SERINC3: variants seen among roughly 807,000 people sequenced by gnomAD.
SERINC3 encodes the protein tumor differentially expressed protein 1.
In SERINC3, 22 loss-of-function variants were observed where a neutral mutation model predicts 52.1. The ratio of observed to expected loss-of-function variants is 0.42; its 90% CI spans 0.30 to 0.60. SERINC3 has a LOEUF of 0.60. SERINC3 is among the 20% of genes least tolerant of loss of function. The pLI is 0.16. For synonymous variants in SERINC3, 226 were observed against 212.7 expected, an observed-to-expected ratio of 1.06 and a Z score of -0.54; for missense variants, 564 against 584.6, an observed-to-expected ratio of 0.96 and a Z score of 0.36.
At chr20:44,502,925 A>G (rs2064289159) in intron 8 of SERINC3, among the ~76,000 whole-genome samples, 1 of 152,204 alleles carries the variant, frequency 6.6e-6, no homozygotes, top group Non-Finnish European at 1.5e-5. Flanking sequence ...CACTAGCAAT[A>G]AACAACCCAA....
chr20:44,501,169 T>C lies in SERINC3; in HGVS notation c.1187A>G (p.Asn396Ser), dbSNP rs552691171. 44 of 1,614,180 alleles carry C rather than the reference T, an allele frequency of 2.7e-5. No individual in the cohort carries two copies. Among genetic ancestry groups the C allele is most frequent in the Middle Eastern group, 1.6e-4 (1 of 6,062 alleles). ...GCTATACTGCACTCCCTCTTTCTCG[T>C]TGTCCACAGCCCGCCGAGGCTGTCC... is the stretch of plus-strand genomic sequence containing the variant. ...EDGQPRRAVD[N>S]EKEGVQYSYS... The change falls in exon 9 of 10, where the codon AAC (asparagine) becomes AGC (serine). Residue 396 changes from asparagine (N) to serine (S), a missense_variant. Asn to Ser is a conservative substitution (Grantham distance 46). Transcript: ENST00000342374.
intron 1 of SERINC3, 47 bp downstream of exon 1, chr20:44,521,866 T>G: frequency 6.3e-7 from 1 of 1,578,094 alleles, no homozygotes; most frequent in South Asian, 1.2e-5. Context: ...TCGAGGCCTT[T>G]CCCCGCAAAC....
At chr20:44,512,325 C>CA (rs920134707) in intron 3 of SERINC3, among the ~76,000 whole-genome samples, 1,042 of 49,324 alleles carry the variant, frequency 0.021, 1 homozygote, top group African/African-American at 0.03. Flanking sequence ...AAAAACAAAA[C>CA]AAAAAAAAAA....
Position 44,504,798 on chromosome 20 carries a change from T to C in SERINC3, c.874+3A>G. On this transcript the variant is annotated splice_donor_region_variant and intron_variant, in intron 7 of 9. Coordinates refer to ENST00000342374, the MANE Select transcript of SERINC3 (RefSeq NM_006811.4). ...AATGAATGTGTTATTGACATTCCCT[T>C]ACCAGGTTCATTGGACATGGCTGAC... 6.2e-7 allele frequency: 1 copy of C among 1,601,968 alleles called. No homozygotes were observed. The highest frequency in any genetic ancestry group is 8.5e-7 in the Non-Finnish European group (1 of 1,169,970).
Position 44,500,261 on chromosome 20 carries a change from TGTGAGTTCCA to T in SERINC3, c.*25_*34del. The T allele has an allele frequency of 1.9e-6, 3 of 1,593,178 alleles. No homozygotes were observed. The highest frequency in any genetic ancestry group is 2.6e-6 in the Non-Finnish European group (3 of 1,167,372). On this transcript the variant is annotated 3_prime_UTR_variant, in exon 10 of 10. Coordinates refer to ENST00000342374, the MANE Select transcript of SERINC3 (RefSeq NM_006811.4). ...ATGGGTTTTCGGTGAAGGAGACCTT[TGTGAGTTCCA>T]GTGGTGTCCTTGGCACTCAGAGGTT...
At chr20:44,506,630 T>C (rs1222515338) in intron 6 of SERINC3, among the ~76,000 whole-genome samples, 197 bp downstream of exon 6, 1 of 138,354 alleles carries the variant, frequency 7.2e-6, no homozygotes, top group Non-Finnish European at 1.5e-5. Flanking sequence ...ATTTTCAAGT[T>C]ACCTGGGTTT....
At chr20:44,502,498 A>C (rs953215712) in intron 8 of SERINC3, among the ~76,000 whole-genome samples, 11 of 150,838 alleles carry the variant, frequency 7.3e-5, no homozygotes, top group African/African-American at 2.7e-4. Flanking sequence ...TGGGAGGATC[A>C]CTTGAGACCA....
chr20:44,509,572 A>T (rs577472599), intron 5 of SERINC3, among the ~76,000 whole-genome samples: 1 of 152,288 alleles, frequency 6.6e-6, no homozygotes, highest in East Asian at 1.9e-4. Context: ...TCTGTCACCC[A>T]GGCTGCAGTA....
chr20:44,506,103 C>G (rs1258227373), intron 6 of SERINC3, among the ~76,000 whole-genome samples: 1 of 149,932 alleles, frequency 6.7e-6, no homozygotes, highest in South Asian at 2.1e-4. Context: ...GAGTTCGAGA[C>G]CAGCCTTGCC....
chr20:44,516,350 A>C (rs1348930094), intron 1 of SERINC3, among the ~76,000 whole-genome samples: 5 of 152,070 alleles, frequency 3.3e-5, no homozygotes, highest in Non-Finnish European at 7.4e-5. Flanking sequence ...TCTGTTAGTG[A>C]CCACACTACA....
At chr20:44,513,028 T>C in intron 2 of SERINC3, 34 bp from the exon 3 acceptor site, 1 of 1,420,612 alleles carries the variant, frequency 7.0e-7, no homozygotes, top group Non-Finnish European at 9.3e-7. Context: ...TACGAGAATA[T>C]CTACATTTAG....
intron 1 of SERINC3, among the ~76,000 whole-genome samples, chr20:44,515,773 C>G (rs571188544): frequency 6.6e-6 from 1 of 151,568 alleles, no homozygotes; most frequent in South Asian, 2.1e-4. Context: ...GCTTTAGCCT[C>G]CCAAGTAGCT....
At chr20:44,509,752 A>C (rs940722330) in intron 5 of SERINC3, 139 bp downstream of exon 5, 4 of 942,288 alleles carry the variant, frequency 4.2e-6, no homozygotes, top group Admixed American at 4.4e-5. Context: ...CTGGTCTTGA[A>C]CTCCTGGATT....
At chr20:44,516,698 T>C (rs1055943146) in intron 1 of SERINC3, among the ~76,000 whole-genome samples, 5 of 152,092 alleles carry the variant, frequency 3.3e-5, no homozygotes, top group African/African-American at 1.2e-4. Flanking sequence ...GGCCTTTGTT[T>C]TGTTTTGTTT....
intron 5 of SERINC3, among the ~76,000 whole-genome samples, chr20:44,507,322 T>C (rs2064320974): frequency 6.6e-6 from 1 of 152,206 alleles, no homozygotes; most frequent in Non-Finnish European, 1.5e-5. Flanking sequence ...GAGCTTTTCT[T>C]AGGAACCTAA....
rs1232176765 is a variant in SERINC3 at position 44,504,976 on chromosome 20, C to G, written c.784-85G>C. The G allele has an allele frequency of 1.1e-5, 11 of 960,472 alleles. No individual in the cohort carries two copies. The Admixed American group carries it at 2.2e-4, about 19-fold the overall frequency. The allele number at this position is 960,472 out of a possible 1,614,324, so 59.5% of individuals were successfully genotyped here. On this transcript the variant is annotated intron_variant, in intron 6 of 9. Coordinates refer to ENST00000342374, the MANE Select transcript of SERINC3 (RefSeq NM_006811.4). ...GCAGTGCACTTCTCTGGAGTTAATT[C>G]AACTATCAGTAACTGAGAACTTTCG...
chr20:44,511,193 T>G, intron 4 of SERINC3, 96 bp downstream of exon 4: 1 of 854,742 alleles, frequency 1.2e-6, no homozygotes, highest in South Asian at 1.5e-5. Flanking sequence ...AGCTTACAGG[T>G]GTGAGCCACT....
intron 1 of SERINC3, chr20:44,519,449 G>A (rs1399206262): frequency 4.4e-6 from 4 of 914,050 alleles, no homozygotes; most frequent in Admixed American, 6.2e-5. Context: ...AAATTGTACA[G>A]TAAACGATTA....
chr20:44,520,274 G>A (rs1291351380), intron 1 of SERINC3, among the ~76,000 whole-genome samples: 1 of 152,144 alleles, frequency 6.6e-6, no homozygotes, highest in Non-Finnish European at 1.5e-5. Context: ...ACTCCGGGAG[G>A]CTGAAACATG....
Sources: gnomAD v4.1 joint callset for allele counts (sites outside exome capture counted in the v4.1 genomes callset) on GRCh38, gnomAD v4.1.1 for gene constraint, MANE v1.5 for transcripts, NCBI Gene and HGNC (gene_info 2026-07-23, HGNC 2026-07-21) for gene names.